The following GRAP2 variants were observed in gnomAD, a reference collection of about 807,000 sequenced individuals.
The protein encoded by GRAP2 is GRB2-related adapter protein 2.
Under a neutral mutation model 43.5 loss-of-function variants are expected in GRAP2, and 31 were observed. That is an observed-to-expected ratio of 0.71 (90% CI 0.54 to 0.96). The LOEUF (loss-of-function observed/expected upper bound fraction) is 0.96, where lower values mean the gene tolerates loss of function less well. Among genes scored for constraint, GRAP2 ranks in the 40% least tolerant of loss-of-function variants. GRAP2 has a pLI of 0.00. For synonymous variants in GRAP2, 156 were observed against 164.8 expected, an observed-to-expected ratio of 0.95 and a Z score of 0.41; for missense variants, 371 against 424.4, an observed-to-expected ratio of 0.87 and a Z score of 1.11.
At chr22:39,920,087 TAGC>T (rs901414049) in intron 1 of GRAP2, among the ~76,000 whole-genome samples, 2 of 152,160 alleles carry the variant, frequency 1.3e-5, no homozygotes, top group African/African-American at 4.8e-5. Flanking sequence ...TGTGACAAAT[TAGC>T]AGTTCTTCCC....
chr22:39,926,706 G>T (rs1266414913), intron 1 of GRAP2: 14 of 983,144 alleles, frequency 1.4e-5, no homozygotes, highest in South Asian at 1.4e-4. Flanking sequence ...CGGGGGATTG[G>T]TTTTTTTTCC....
intron 1 of GRAP2, among the ~76,000 whole-genome samples, chr22:39,902,326 G>A (rs553628831): frequency 4.3e-4 from 65 of 152,092 alleles, no homozygotes; most frequent in African/African-American, 1.4e-3. Flanking sequence ...TTTTGGTTTC[G>A]GAAAGAGTAT....
chr22:39,945,790 C>A (rs1050729673), intron 1 of GRAP2, among the ~76,000 whole-genome samples: 1 of 152,164 alleles, frequency 6.6e-6, no homozygotes, highest in Admixed American at 6.5e-5. Context: ...AAAATTCATT[C>A]CATAAAATTA....
chr22:39,963,645 C>T lies in GRAP2; in HGVS notation c.291-2345C>T, dbSNP rs185316136. On this transcript the variant is annotated intron_variant, in intron 4 of 7. Coordinates refer to ENST00000344138, the MANE Select transcript of GRAP2 (RefSeq NM_004810.4). ...ACCTGTGGCTTCACCCAGCTATGAG[C>T]AAATCCCAGCACATAAGATGAGATT... 1.6e-3 allele frequency among the ~76,000 whole-genome samples: 240 copies of T among 152,278 alleles called. 2 individuals carry two copies. The highest frequency in any genetic ancestry group is 0.01 in the Middle Eastern group (3 of 294).
At chr22:39,937,566 T>C (rs1474221831) in intron 1 of GRAP2, among the ~76,000 whole-genome samples, 1 of 152,216 alleles carries the variant, frequency 6.6e-6, no homozygotes, top group Non-Finnish European at 1.5e-5. Context: ...AGTTTTGGAT[T>C]TGTCTCTACA....
At chr22:39,918,448 T>C (rs1019355011) in intron 1 of GRAP2, among the ~76,000 whole-genome samples, 10 of 152,206 alleles carry the variant, frequency 6.6e-5, no homozygotes, top group Admixed American at 2.0e-4. Flanking sequence ...ATTCACCTCA[T>C]TTGTAAGTCT....
chr22:39,954,467 T>C (rs957442239), intron 2 of GRAP2, among the ~76,000 whole-genome samples: 2 of 152,150 alleles, frequency 1.3e-5, no homozygotes, highest in Non-Finnish European at 1.5e-5. Flanking sequence ...AAGATCACGG[T>C]TCACTGCAAC....
At chr22:39,939,439 G>A (rs111773346) in intron 1 of GRAP2, among the ~76,000 whole-genome samples, 2 of 151,602 alleles carry the variant, frequency 1.3e-5, no homozygotes, top group African/African-American at 2.4e-5. Flanking sequence ...GCAGGCGCCT[G>A]TAGTCCCAGC....
At chr22:39,959,618 G>A (rs2067094750) in intron 3 of GRAP2, among the ~76,000 whole-genome samples, 1 of 152,150 alleles carries the variant, frequency 6.6e-6, no homozygotes, top group South Asian at 2.1e-4. Flanking sequence ...GAGCACCCCA[G>A]GCCCTGCTCA....
the GRAP2 span, among the ~76,000 whole-genome samples, chr22:39,894,175 T>C: frequency 6.6e-6 from 1 of 152,056 alleles, no homozygotes; most frequent in African/African-American, 2.4e-5. Context: ...AAATTTGCCA[T>C]GATAATTTAT....
At chr22:39,939,390 A>G (rs866425680) in intron 1 of GRAP2, among the ~76,000 whole-genome samples, 4 of 151,946 alleles carry the variant, frequency 2.6e-5, no homozygotes, top group Admixed American at 6.6e-5. Flanking sequence ...GTGAAACCCC[A>G]TCTCTACTAA....
chr22:39,905,371 G>A (rs2066516579), intron 1 of GRAP2, among the ~76,000 whole-genome samples: 1 of 151,998 alleles, frequency 6.6e-6, no homozygotes, highest in South Asian at 2.1e-4. Context: ...ATAAGTTCAG[G>A]TAATAATAAT....
At chr22:39,894,420 G>A in the GRAP2 span, among the ~76,000 whole-genome samples, 1 of 114,508 alleles carries the variant, frequency 8.7e-6, no homozygotes. Flanking sequence ...ACTGTTGTGG[G>A]GTGGGGGGAG....
intron 1 of GRAP2, among the ~76,000 whole-genome samples, chr22:39,913,954 A>G (rs934081996): frequency 2.6e-5 from 4 of 152,100 alleles, no homozygotes; most frequent in Non-Finnish European, 4.4e-5. Context: ...TTCAGTAATG[A>G]TAAAGAACAC....
chr22:39,959,007 G>C (rs574366661), intron 3 of GRAP2, among the ~76,000 whole-genome samples: 1 of 152,216 alleles, frequency 6.6e-6, no homozygotes, highest in Non-Finnish European at 1.5e-5. Flanking sequence ...ACAGAGAATT[G>C]CTCACAAAGG....
At chr22:39,970,883 T>A in intron 7 of GRAP2, 22 bp from the exon 8 acceptor site, 1 of 1,570,898 alleles carries the variant, frequency 6.4e-7, no homozygotes, top group Non-Finnish European at 8.6e-7. Context: ...CAGCAGAGCC[T>A]CTTCTGTGCT....
chr22:39,898,915 G>T (rs937951825), upstream of GRAP2, among the ~76,000 whole-genome samples: 3 of 151,924 alleles, frequency 2.0e-5, no homozygotes, highest in African/African-American at 7.3e-5. Context: ...ACAAAGTATG[G>T]TTTAAAAAAG....
intron 6 of GRAP2, among the ~76,000 whole-genome samples, chr22:39,968,976 C>G (rs1282330675): frequency 2.0e-5 from 3 of 152,156 alleles, no homozygotes; most frequent in Non-Finnish European, 4.4e-5. Flanking sequence ...CAGTCCTACC[C>G]CTCTAAGCTG....
intron 2 of GRAP2, among the ~76,000 whole-genome samples, chr22:39,952,553 T>G (rs934291154): frequency 5.9e-5 from 9 of 152,178 alleles, no homozygotes; most frequent in Non-Finnish European, 8.8e-5. Flanking sequence ...GACCTAGATT[T>G]TCTGCTTCCT....
Sources: allele counts gnomAD v4.1 joint callset (sites outside exome capture counted in the v4.1 genomes callset), GRCh38; gene constraint gnomAD v4.1.1; transcripts MANE v1.5; gene names NCBI Gene and HGNC (gene_info 2026-07-23, HGNC 2026-07-21).